Variants in FOXP4 observed in about 807,000 individuals in gnomAD.
FOXP4 encodes the protein forkhead box protein P4.
In FOXP4, 25 loss-of-function variants were observed where a neutral mutation model predicts 82.6. That is an observed-to-expected ratio of 0.30 (90% CI 0.22 to 0.42). FOXP4 has a LOEUF of 0.42. Among genes scored for constraint, FOXP4 ranks in the 10% least tolerant of loss-of-function variants. FOXP4 has a pLI of 1.00. For synonymous variants in FOXP4, 415 were observed against 388.2 expected, an observed-to-expected ratio of 1.07 and a Z score of -0.81; for missense variants, 785 against 900.9, an observed-to-expected ratio of 0.87 and a Z score of 1.65.
In FOXP4 at chr6:41,601,097, G is replaced by T; in HGVS notation, c.*2161G>T. ...GTCCACGTCTTCAAGGGGGCTGCCT[G>T]GATAGGCGTGTGTGTGTGTAGTGCC... is the stretch of plus-strand genomic sequence containing the variant. On this transcript the variant is annotated 3_prime_UTR_variant, in exon 17 of 17. Coordinates refer to ENST00000307972, the MANE Select transcript of FOXP4 (RefSeq NM_001012426.2). The T allele has an allele frequency of 6.6e-6, 1 of 152,478 alleles. No individual in the cohort carries two copies. The highest frequency in any genetic ancestry group is 1.5e-5 in the Non-Finnish European group (1 of 68,144). The allele number at this position is 152,478 out of a possible 1,614,324, so 9.4% of individuals were successfully genotyped here. A position where few individuals can be genotyped will look rare whatever the true frequency, so the allele number is the denominator to read the frequency against.
intron 7 of FOXP4, 66 bp downstream of exon 7, chr6:41,587,578 A>C (rs956063982): frequency 4.2e-5 from 54 of 1,291,102 alleles, no homozygotes; most frequent in Middle Eastern, 3.9e-4. Flanking sequence ...CCCCCCACCC[A>C]TGAGGGCTGA....
At chr6:41,552,142 G>T (rs948856154) in intron 1 of FOXP4, among the ~76,000 whole-genome samples, 3 of 152,158 alleles carry the variant, frequency 2.0e-5, no homozygotes, top group Non-Finnish European at 2.9e-5. Flanking sequence ...TTCCATTCCC[G>T]GCTGGCTTTA....
In FOXP4 at chr6:41,600,655, G is replaced by T. The variant is rs997750595; in HGVS notation, c.*1719G>T. The T allele has an allele frequency of 6.6e-6, 1 of 152,374 alleles. No individual in the cohort carries two copies. The highest frequency in any genetic ancestry group is 1.5e-5 in the Non-Finnish European group (1 of 68,116). The allele number at this position is 152,374 out of a possible 1,614,324, so 9.4% of individuals were successfully genotyped here. Reference sequence around the variant, plus strand: ...TGTGTGTGTCACCGAGGTGCGGGAGGGGAGGAGCATTAAAGCTGAAAGATC... The same window carrying T: ...TGTGTGTGTCACCGAGGTGCGGGAGTGGAGGAGCATTAAAGCTGAAAGATC... On this transcript the variant is annotated 3_prime_UTR_variant, in exon 17 of 17. Coordinates refer to ENST00000307972, the MANE Select transcript of FOXP4 (RefSeq NM_001012426.2).
intron 3 of FOXP4, among the ~76,000 whole-genome samples, chr6:41,584,537 G>GACCTTA (rs1765984487): frequency 6.6e-6 from 1 of 152,144 alleles, no homozygotes; most frequent in East Asian, 1.9e-4. Flanking sequence ...TCCTTATGGT[G>GACCTTA]ACCTTAATAG....
rs1156981911 is a variant in FOXP4, at chr6:41,588,751, G to C, written c.1065+20G>C. The C allele has an allele frequency of 1.2e-6, 2 of 1,612,634 alleles. No homozygotes were observed. Among genetic ancestry groups the C allele is most frequent in the East Asian group, 2.2e-5 (1 of 44,850 alleles). ...ATCCAGGTGTGGCCCGGAAGATGCTGGGGAGGGACATGGTGGGCTCCAGCC... is the reference window on the plus strand; with the variant it reads ...ATCCAGGTGTGGCCCGGAAGATGCTCGGGAGGGACATGGTGGGCTCCAGCC... On this transcript the variant is annotated intron_variant, in intron 9 of 16. Coordinates refer to ENST00000307972, the MANE Select transcript of FOXP4 (RefSeq NM_001012426.2).
intron 14 of FOXP4, among the ~76,000 whole-genome samples, chr6:41,595,581 AT>A (rs1278147723): frequency 2.0e-5 from 3 of 151,818 alleles, no homozygotes; most frequent in African/African-American, 7.3e-5. Flanking sequence ...TTTATTTATT[AT>A]TTTTTTAATT....
chr6:41,566,359 G>T (rs528915069), intron 2 of FOXP4, among the ~76,000 whole-genome samples: 1 of 152,310 alleles, frequency 6.6e-6, no homozygotes, highest in Non-Finnish European at 1.5e-5. Context: ...AGGGTGCTGT[G>T]CACACAGGGG....
In FOXP4 at chr6:41,600,407, C is replaced by G. The variant is rs1767157693; in HGVS notation, c.*1471C>G. ...CAGACCCCCTATGGGGGACCCCCAA[C>G]TCAAGGCCAAGGACTGGGCGTATCG... On this transcript the variant is annotated 3_prime_UTR_variant, in exon 17 of 17. Transcript: ENST00000307972. 1 of 152,640 alleles carries G rather than the reference C, an allele frequency of 6.6e-6. No homozygotes were observed. The highest frequency in any genetic ancestry group is 6.5e-5 in the Admixed American group (1 of 15,286). The allele number at this position is 152,640 out of a possible 1,614,324, so 9.5% of individuals were successfully genotyped here. A position where few individuals can be genotyped will look rare whatever the true frequency, so the allele number is the denominator to read the frequency against.
intron 1 of FOXP4, among the ~76,000 whole-genome samples, chr6:41,549,732 G>C (rs1315513175): frequency 6.8e-6 from 1 of 147,962 alleles, no homozygotes; most frequent in Non-Finnish European, 1.5e-5. Context: ...ATCACATGGT[G>C]GGGGGGAGGG....
chr6:41,575,866 C>A (rs1280986197), intron 2 of FOXP4, among the ~76,000 whole-genome samples: 1 of 152,014 alleles, frequency 6.6e-6, no homozygotes, highest in African/African-American at 2.4e-5. Flanking sequence ...TCTGAGCCAT[C>A]TTCTTCCCCT....
At position 41,590,080 on chromosome 6, in the gene FOXP4, C is replaced by T. The variant is rs753149490; in HGVS notation, c.1267C>T (p.Arg423Trp). 8.7e-6 allele frequency: 14 copies of T among 1,613,750 alleles called. No individual in the cohort carries two copies. The highest frequency in any genetic ancestry group is 3.3e-5 in the South Asian group (3 of 91,074). The change falls in exon 11 of 17, where the codon CGG (arginine) becomes TGG (tryptophan). Residue 423 changes from arginine (R) to tryptophan (W), a missense_variant. Coordinates refer to ENST00000307972, the MANE Select transcript of FOXP4 (RefSeq NM_001012426.2). ...TSAAAPVTPL[R>W]PPGLGSASLH... is the part of the protein sequence containing the mutation. ...GGCCGCAGCCCCTGTCACCCCTCTA[C>T]GGCCCCCTGGCCTGGGCTCTGCCTC...
chr6:41,587,383 A>C lies in FOXP4; in HGVS notation c.743A>C (p.Glu248Ala). 6.2e-7 allele frequency: 1 copy of C among 1,604,404 alleles called. No individual in the cohort carries two copies. The highest frequency in any genetic ancestry group is 8.5e-7 in the Non-Finnish European group (1 of 1,174,994). The change falls in exon 7 of 17, where the codon GAG becomes GCG. Residue 248 changes from glutamate to alanine, a missense_variant. Coordinates refer to ENST00000307972, the MANE Select transcript of FOXP4 (RefSeq NM_001012426.2). ...CCTGCCGAGGACAGCGTCAAGCAGG[A>C]GGGGCTGGACCTCACTGGCACGGCC... ...GQPAEDSVKQ[E>A]GLDLTGTAAT...
Position 41,565,799 on chromosome 6 carries a change from T to C in FOXP4, c.39T>C (p.Ala13=), listed in dbSNP as rs1479627252. 3.7e-6 allele frequency: 6 copies of C among 1,612,778 alleles called. No homozygotes were observed. Among genetic ancestry groups the C allele is most frequent in the East Asian group, 2.2e-5 (1 of 44,850 alleles). ...CTGCCTCGGAGACAATCAGGTCGGC[T>C]CCATCTGGTCAGAATGGCGTGGGCA... ...VESASETIRS[A]PSGQNGVGSL... The change falls in exon 2 of 17, where the codon GCT becomes GCC. Residue 13 remains alanine (A), a synonymous_variant. Coordinates refer to ENST00000307972, the MANE Select transcript of FOXP4 (RefSeq NM_001012426.2).
chr6:41,575,843 G>C (rs1209251097), intron 2 of FOXP4, among the ~76,000 whole-genome samples: 1 of 151,712 alleles, frequency 6.6e-6, no homozygotes, highest in Non-Finnish European at 1.5e-5. Context: ...GGTCGCCTGG[G>C]CTGGCCAGCC....
Position 41,590,118 on chromosome 6 carries a change from G to A in FOXP4, c.1305G>A (p.Gly435=). ...TGGGCTCTGCCTCCCTGCATGGTGG[G>A]GGCCCAGCCCGTCGGAGAAGCAGTG... is the stretch of plus-strand genomic sequence containing the variant. ...PGLGSASLHG[G]GPARRRSSDK... Residue 435 remains glycine (G), a synonymous_variant, in exon 11 of 17, where the codon GGG becomes GGA. Coordinates refer to ENST00000307972, the MANE Select transcript of FOXP4 (RefSeq NM_001012426.2). 6.2e-7 allele frequency: 1 copy of A among 1,611,868 alleles called. No homozygotes were observed. The highest frequency in any genetic ancestry group is 1.7e-5 in the Admixed American group (1 of 59,964).
intron 1 of FOXP4, among the ~76,000 whole-genome samples, chr6:41,564,113 G>T (rs1032571801): frequency 1.3e-5 from 2 of 152,214 alleles, no homozygotes; most frequent in Non-Finnish European, 2.9e-5. Context: ...TGACTCGGGG[G>T]TAGTTGGGGA....
chr6:41,559,745 G>C (rs1168916398), intron 1 of FOXP4, among the ~76,000 whole-genome samples: 1 of 152,150 alleles, frequency 6.6e-6, no homozygotes. Flanking sequence ...TGCCCAGCAG[G>C]AAACTCATAA....
At chr6:41,551,271 G>T (rs909356378) in intron 1 of FOXP4, among the ~76,000 whole-genome samples, 2 of 152,230 alleles carry the variant, frequency 1.3e-5, no homozygotes, top group Non-Finnish European at 2.9e-5. Flanking sequence ...TTGGACCGTG[G>T]AGTCACTGTT....
intron 2 of FOXP4, among the ~76,000 whole-genome samples, chr6:41,576,940 T>C (rs1342248560): frequency 6.6e-6 from 1 of 152,146 alleles, no homozygotes; most frequent in African/African-American, 2.4e-5. Context: ...TTTGTGCTGC[T>C]GAAATGTGGA....
Sources: allele counts gnomAD v4.1 joint callset (sites outside exome capture counted in the v4.1 genomes callset), GRCh38; gene constraint gnomAD v4.1.1; transcripts MANE v1.5; gene names NCBI Gene and HGNC (gene_info 2026-07-23, HGNC 2026-07-21).